The following BMPR1A variants were observed in gnomAD, a reference collection of about 807,000 sequenced individuals.
The protein encoded by BMPR1A is bone morphogenetic protein receptor type-1A.
A neutral mutation model predicts 66.0 loss-of-function variants in BMPR1A; 7 were observed. The ratio of observed to expected loss-of-function variants is 0.11; its 90% CI spans 0.06 to 0.20. BMPR1A has a LOEUF of 0.20. BMPR1A is among the 10% of genes least tolerant of loss of function. BMPR1A has a pLI of 1.00. For synonymous variants in BMPR1A, 200 were observed against 229.7 expected, an observed-to-expected ratio of 0.87 and a Z score of 1.17; for missense variants, 408 against 669.1, an observed-to-expected ratio of 0.61 and a Z score of 4.31.
At chr10:86,818,593 A>G (rs751547423) in intron 1 of BMPR1A, among the ~76,000 whole-genome samples, 5 of 152,186 alleles carry the variant, frequency 3.3e-5, no homozygotes, top group African/African-American at 4.8e-5. Flanking sequence ...GTCATTTCCT[A>G]TAGGGAGGGC....
At position 86,921,748 on chromosome 10, in the gene BMPR1A, T is replaced by C. The variant is rs1019551094; in HGVS notation, c.1342+53T>C. 3.7e-5 allele frequency: 59 copies of C among 1,611,482 alleles called. 1 individual carries two copies. The Admixed American group carries it at 3.8e-4, about 10-fold the overall frequency. On this transcript the variant is annotated intron_variant, in intron 11 of 12. Coordinates refer to ENST00000372037, the MANE Select transcript of BMPR1A (RefSeq NM_004329.3). ...GTTGATTTACTCATCATTTTAAAAA[T>C]AACAGCTCCAGTTATATAACTTTTT...
At chr10:86,767,085 G>T (rs529587208) in intron 1 of BMPR1A, among the ~76,000 whole-genome samples, 1 of 152,202 alleles carries the variant, frequency 6.6e-6, no homozygotes, top group East Asian at 1.9e-4. Context: ...GCCTCCCAAA[G>T]TGCTGGGATT....
At chr10:86,764,808 A>T (rs1356296329) in intron 1 of BMPR1A, among the ~76,000 whole-genome samples, 2 of 152,222 alleles carry the variant, frequency 1.3e-5, no homozygotes, top group Non-Finnish European at 2.9e-5. Context: ...TCTAAGTGTG[A>T]ATTACGTACC....
intron 5 of BMPR1A, among the ~76,000 whole-genome samples, chr10:86,895,821 A>G (rs1843216660): frequency 6.6e-6 from 1 of 152,142 alleles, no homozygotes. Context: ...TGAGCTCACA[A>G]GTTTGAGACC....
intron 1 of BMPR1A, among the ~76,000 whole-genome samples, chr10:86,794,496 A>G (rs1410957556): frequency 6.6e-6 from 1 of 152,212 alleles, no homozygotes; most frequent in African/African-American, 2.4e-5. Flanking sequence ...ATATGTGATC[A>G]CCTAACTCAC....
intron 2 of BMPR1A, among the ~76,000 whole-genome samples, chr10:86,861,002 C>A (rs12218889): frequency 6.6e-6 from 1 of 151,582 alleles, no homozygotes; most frequent in Non-Finnish European, 1.5e-5. Context: ...CCACCACGCC[C>A]GGCTAATGTT....
intron 1 of BMPR1A, among the ~76,000 whole-genome samples, chr10:86,777,174 ACTTG>A (rs1841362903): frequency 6.6e-6 from 1 of 152,104 alleles, no homozygotes; most frequent in African/African-American, 2.4e-5. Flanking sequence ...ACTTGCCCTC[ACTTG>A]CTTCATTGCT....
chr10:86,853,720 C>T (rs1842603031), intron 2 of BMPR1A, among the ~76,000 whole-genome samples: 1 of 152,140 alleles, frequency 6.6e-6, no homozygotes, highest in Non-Finnish European at 1.5e-5. Flanking sequence ...GCCGTGAAAC[C>T]AGCAATTTTT....
At chr10:86,783,702 C>A (rs1427307609) in intron 1 of BMPR1A, among the ~76,000 whole-genome samples, 1 of 152,220 alleles carries the variant, frequency 6.6e-6, no homozygotes, top group Non-Finnish European at 1.5e-5. Context: ...GATCCTCCTG[C>A]CTCAGCCTTC....
intron 1 of BMPR1A, among the ~76,000 whole-genome samples, chr10:86,836,473 G>C (rs1589739251): frequency 6.6e-6 from 1 of 152,168 alleles, no homozygotes; most frequent in Admixed American, 6.6e-5. Context: ...TACATGTGCG[G>C]GACTAGCTAG....
At chr10:86,807,692 C>T (rs1468666153) in intron 1 of BMPR1A, among the ~76,000 whole-genome samples, 1 of 152,196 alleles carries the variant, frequency 6.6e-6, no homozygotes, top group Non-Finnish European at 1.5e-5. Context: ...CCCCATCTTT[C>T]TTATGTATTC....
At chr10:86,918,460 G>A (rs1298758364) in intron 9 of BMPR1A, among the ~76,000 whole-genome samples, 2 of 152,120 alleles carry the variant, frequency 1.3e-5, no homozygotes, top group Admixed American at 6.5e-5. Flanking sequence ...ATGGGAGTTG[G>A]CTTAATTAGG....
At chr10:86,893,941 C>T (rs1363441667) in intron 5 of BMPR1A, among the ~76,000 whole-genome samples, 2 of 152,202 alleles carry the variant, frequency 1.3e-5, no homozygotes, top group South Asian at 2.1e-4. Context: ...CAAACCTAAT[C>T]TCTCTTTAAG....
chr10:86,779,349 C>T (rs960882944), intron 1 of BMPR1A, among the ~76,000 whole-genome samples: 3 of 152,136 alleles, frequency 2.0e-5, no homozygotes, highest in African/African-American at 4.8e-5. Flanking sequence ...TTTGTATTCC[C>T]ACCAATAAAG....
At position 86,837,230 on chromosome 10, in the gene BMPR1A, G is replaced by GCTGTGTGTGTGTGTGT. The variant is rs1384674431; in HGVS notation, c.-267-1618_-267-1603dup. Among the ~76,000 whole-genome samples, 37 of 86,862 alleles carry GCTGTGTGTGTGTGTGT rather than the reference G, an allele frequency of 4.3e-4. 1 individual carries two copies. Among genetic ancestry groups the GCTGTGTGTGTGTGTGT allele is most frequent in the African/African-American group, 1.2e-3 (32 of 26,396 alleles). 57.0% of individuals were successfully genotyped at this position (86,862 alleles called of 152,430 possible). ...AAATATCTGGCAGAATTAGAATCAG[G>GCTGTGTGTGTGTGTGT]CTGTGTGTGTGTGTGTCTGTGTGTG... On this transcript the variant is annotated intron_variant, in intron 1 of 12. Transcript: ENST00000372037.
At chr10:86,773,763 C>T (rs768818268) in intron 1 of BMPR1A, among the ~76,000 whole-genome samples, 1 of 151,664 alleles carries the variant, frequency 6.6e-6, no homozygotes, top group Non-Finnish European at 1.5e-5. Context: ...GCAAAAGAAA[C>T]TTTGAAAGAA....
At chr10:86,849,130 T>A (rs1369796382) in intron 2 of BMPR1A, among the ~76,000 whole-genome samples, 1 of 152,246 alleles carries the variant, frequency 6.6e-6, no homozygotes, top group Admixed American at 6.5e-5. Flanking sequence ...TACTTTACAC[T>A]AGCATTTGAG....
At chr10:86,757,345 G>C (rs1180261776) in intron 1 of BMPR1A, among the ~76,000 whole-genome samples, 1 of 151,982 alleles carries the variant, frequency 6.6e-6, no homozygotes, top group Non-Finnish European at 1.5e-5. Context: ...GGTCGAGTGA[G>C]AGGAGCAGCC....
At chr10:86,873,795 G>A (rs1842883144) in intron 2 of BMPR1A, among the ~76,000 whole-genome samples, 1 of 152,184 alleles carries the variant, frequency 6.6e-6, no homozygotes, top group South Asian at 2.1e-4. Flanking sequence ...AAATCATGTG[G>A]CAGACATTAT....
Sources: gnomAD v4.1 joint callset for allele counts (sites outside exome capture counted in the v4.1 genomes callset) on GRCh38, gnomAD v4.1.1 for gene constraint, MANE v1.5 for transcripts, NCBI Gene and HGNC (gene_info 2026-07-23, HGNC 2026-07-21) for gene names.